NIPAL3: variants seen among roughly 807,000 people sequenced by gnomAD.
NIPAL3 encodes the protein NIPA-like protein 3.
Under a neutral mutation model 47.2 loss-of-function variants are expected in NIPAL3, and 41 were observed. That is an observed-to-expected ratio of 0.87 (90% CI 0.68 to 1.13). The LOEUF (loss-of-function observed/expected upper bound fraction) is 1.13, where lower values mean the gene tolerates loss of function less well. Ranked by LOEUF, NIPAL3 falls within the 50% of genes most tolerant of loss-of-function variation. The pLI, the probability that NIPAL3 is intolerant of heterozygous loss-of-function variation, is 0.00. For missense variants in NIPAL3, 449 were observed against 530.1 expected (o/e 0.85, Z 1.50); for synonymous variants, 194 against 209.6 (o/e 0.93, Z 0.64).
Position 24,472,841 on chromosome 1 carries a change from A to G in NIPAL3, c.*3656A>G, listed in dbSNP as rs1301554974. 2 of 151,968 alleles carry G rather than the reference A, an allele frequency of 1.3e-5. No individual in the cohort carries two copies. The highest frequency in any genetic ancestry group is 2.9e-5 in the Non-Finnish European group (2 of 67,996). 9.4% of individuals were successfully genotyped at this position (151,968 alleles called of 1,614,324 possible). ...TCTGAGAAGCGGTGTAAATGAAGTC[A>G]CCTTAGAATATATTCTGTGCGGATG... On this transcript the variant is annotated 3_prime_UTR_variant, in exon 12 of 12. Coordinates refer to ENST00000374399, the MANE Select transcript of NIPAL3 (RefSeq NM_020448.5).
At chr1:24,420,440 G>A (rs1297814484) in intron 2 of NIPAL3, among the ~76,000 whole-genome samples, 1 of 152,056 alleles carries the variant, frequency 6.6e-6, no homozygotes, top group African/African-American at 2.4e-5. Flanking sequence ...AGTAGTTTGA[G>A]GGTGCTGTGA....
chr1:24,443,709 C>A (rs908276411), intron 4 of NIPAL3, among the ~76,000 whole-genome samples: 2 of 152,222 alleles, frequency 1.3e-5, no homozygotes, highest in African/African-American at 4.8e-5. Context: ...GGTCCTCAGA[C>A]ATGGTGTGTG....
intron 2 of NIPAL3, among the ~76,000 whole-genome samples, chr1:24,428,700 T>C (rs1410659109): frequency 6.6e-6 from 1 of 152,354 alleles, no homozygotes; most frequent in East Asian, 1.9e-4. Context: ...GTACGCCTTT[T>C]CTCCTATTAA....
Position 24,442,166 on chromosome 1 carries a change from G to A in NIPAL3, c.274G>A (p.Ala92Thr), listed in dbSNP as rs762649214. 6 of 1,614,168 alleles carry A rather than the reference G, an allele frequency of 3.7e-6. No individual in the cohort carries two copies. The East Asian group carries it at 6.7e-5, about 18-fold the overall frequency. ...LMLLGELGVF[A>T]SYAFAPLSLI... is the part of the protein sequence containing the mutation. ...GCTTCTGGGCGAGCTGGGTGTGTTC[G>A]CCTCCTACGCCTTCGCGCCGCTGTC... Residue 92 changes from alanine (A) to threonine (T), a missense_variant, in exon 4 of 12, where the codon GCC becomes ACC. Coordinates refer to ENST00000374399, the MANE Select transcript of NIPAL3 (RefSeq NM_020448.5).
Position 24,449,747 on chromosome 1 carries a change from T to C in NIPAL3, c.540+121T>C. ...TGAGTTGCGGCACATTTTACCAGCATGAAAGACCGTGCTTCTGGAGAGTAC... is the reference window on the plus strand; with the variant it reads ...TGAGTTGCGGCACATTTTACCAGCACGAAAGACCGTGCTTCTGGAGAGTAC... On this transcript the variant is annotated intron_variant, in intron 6 of 11. Transcript: ENST00000374399. The surrounding 1 kb of genome is among the most constrained non-coding windows in gnomAD (Gnocchi z 4.5). The C allele has an allele frequency of 9.4e-7, 1 of 1,065,858 alleles. No individual in the cohort carries two copies. The allele number at this position is 1,065,858 out of a possible 1,614,324, so 66.0% of individuals were successfully genotyped here. A position where few individuals can be genotyped will look rare whatever the true frequency, so the allele number is the denominator to read the frequency against.
intron 2 of NIPAL3, among the ~76,000 whole-genome samples, chr1:24,437,915 G>C (rs575597303): frequency 2.0e-5 from 3 of 152,212 alleles, no homozygotes; most frequent in Admixed American, 1.3e-4. Context: ...TGTTAGTCAA[G>C]TGAGAGTCAT....
intron 2 of NIPAL3, among the ~76,000 whole-genome samples, chr1:24,427,778 A>G (rs2206348): frequency 0.19 from 29,233 of 152,138 alleles, 3,297 homozygotes; most frequent in East Asian, 0.3. Context: ...CATCAATACC[A>G]GCCTTTATTA....
chr1:24,460,577 A>G (rs2148852354), intron 10 of NIPAL3, 33 bp downstream of exon 10: 3 of 1,531,412 alleles, frequency 2.0e-6, no homozygotes, highest in Non-Finnish European at 8.7e-7. Flanking sequence ...GCCCCAAAAC[A>G]TTGTGTGTAG....
Position 24,469,384 on chromosome 1 carries a change from A to G in NIPAL3, c.*199A>G. 1.8e-6 allele frequency: 1 copy of G among 562,702 alleles called. No homozygotes were observed. The allele number at this position is 562,702 out of a possible 1,614,324, so 34.9% of individuals were successfully genotyped here. A position where few individuals can be genotyped will look rare whatever the true frequency, so the allele number is the denominator to read the frequency against. On this transcript the variant is annotated 3_prime_UTR_variant, in exon 12 of 12. Transcript: ENST00000374399. ...TCAAATGATGAGGGTTGGGGGATGG[A>G]AGCATTATTCCAGGTGGACGGGATA...
At chr1:24,437,914 A>G (rs1014186269) in intron 2 of NIPAL3, among the ~76,000 whole-genome samples, 7 of 152,214 alleles carry the variant, frequency 4.6e-5, no homozygotes, top group African/African-American at 1.7e-4. Flanking sequence ...ATGTTAGTCA[A>G]GTGAGAGTCA....
chr1:24,445,082 A>G (rs1177865478), intron 4 of NIPAL3, 103 bp from the exon 5 acceptor site: 6 of 722,806 alleles, frequency 8.3e-6, no homozygotes, highest in Middle Eastern at 2.4e-4. Flanking sequence ...GTTAGGAAGT[A>G]CCAAGCTCCA....
At chr1:24,425,634 CAG>C (rs1644547425) in intron 2 of NIPAL3, among the ~76,000 whole-genome samples, 1 of 152,020 alleles carries the variant, frequency 6.6e-6, no homozygotes, top group Non-Finnish European at 1.5e-5. Context: ...TTTTAGGAGA[CAG>C]AGTCTCCTGT....
intron 2 of NIPAL3, among the ~76,000 whole-genome samples, chr1:24,429,012 C>T (rs1450120200): frequency 6.6e-6 from 1 of 152,164 alleles, no homozygotes; most frequent in African/African-American, 2.4e-5. Flanking sequence ...TAGTCAACCA[C>T]TCATCTGAGG....
chr1:24,419,606 C>T lies in NIPAL3; in HGVS notation c.59C>T (p.Ser20Phe). The change falls in exon 2 of 12, where the codon TCC becomes TTC. Residue 20 changes from serine (S) to phenylalanine (F), a missense_variant. By Grantham distance (155) the Ser-to-Phe change is radical. Transcript: ENST00000374399. ...KLQQLPPTSS[S>F]SAVSEASFSY... ...CAGCAGCTGCCTCCCACAAGTAGCT[C>T]CAGCGCCGTAAGCGAGGCCTCCTTC... 1 of 1,614,068 alleles carries T rather than the reference C, an allele frequency of 6.2e-7. No homozygotes were observed. Among genetic ancestry groups the T allele is most frequent in the South Asian group, 1.1e-5 (1 of 91,038 alleles).
At chr1:24,443,449 G>A (rs533410337) in intron 4 of NIPAL3, among the ~76,000 whole-genome samples, 2 of 152,288 alleles carry the variant, frequency 1.3e-5, no homozygotes, top group South Asian at 4.1e-4. Context: ...TTCTATGCAA[G>A]GGATGGCAGA....
intron 2 of NIPAL3, among the ~76,000 whole-genome samples, chr1:24,425,116 A>T (rs1442581376): frequency 6.6e-6 from 1 of 152,082 alleles, no homozygotes; most frequent in Non-Finnish European, 1.5e-5. Flanking sequence ...TGGAAGCTTT[A>T]CCTCAGCTGG....
chr1:24,427,617 A>G (rs1056172238), intron 2 of NIPAL3, among the ~76,000 whole-genome samples: 5 of 152,136 alleles, frequency 3.3e-5, no homozygotes, highest in South Asian at 2.1e-4. Context: ...ACAGAACACA[A>G]TGGAGACAGT....
At chr1:24,425,821 C>T (rs1489002306) in intron 2 of NIPAL3, among the ~76,000 whole-genome samples, 1 of 152,204 alleles carries the variant, frequency 6.6e-6, no homozygotes, top group Non-Finnish European at 1.5e-5. Flanking sequence ...AAGCTGCCTG[C>T]ACCACCCCCT....
chr1:24,459,763 A>T lies in NIPAL3; in HGVS notation c.863-718A>T, dbSNP rs968034727. 4.6e-5 allele frequency among the ~76,000 whole-genome samples: 7 copies of T among 152,364 alleles called. No individual in the cohort carries two copies. The East Asian group carries it at 1.3e-3, about 29-fold the overall frequency. ...TTGACCCAGAGCAGCCAGAAGCCAT[A>T]AGCTAAGTCAGGGTCAAGAAGCTTG... On this transcript the variant is annotated intron_variant, in intron 9 of 11. Transcript: ENST00000374399.
Sources: gnomAD v4.1 joint callset for allele counts (sites outside exome capture counted in the v4.1 genomes callset) on GRCh38, gnomAD v4.1.1 for gene constraint, Gnocchi (gnomAD v3.1) non-coding constraint, MANE v1.5 for transcripts, NCBI Gene and HGNC (gene_info 2026-07-23, HGNC 2026-07-21) for gene names.